Variants in MYBL1 observed in about 807,000 individuals in gnomAD.
MYBL1 encodes MYB proto-oncogene like 1.
MYBL1 carries 17 observed loss-of-function variants against 96.3 expected under a neutral mutation model. The observed-to-expected ratio is 0.18, with a 90% CI of 0.12 to 0.26. The LOEUF (loss-of-function observed/expected upper bound fraction) is 0.26. Among genes scored for constraint, MYBL1 ranks in the 10% least tolerant of loss-of-function variants. The pLI, the probability that MYBL1 is intolerant of heterozygous loss-of-function variation, is 1.00. For synonymous variants in MYBL1, 282 were observed against 292.7 expected, an observed-to-expected ratio of 0.96 and a Z score of 0.37; for missense variants, 701 against 882.9, an observed-to-expected ratio of 0.79 and a Z score of 2.61.
chr8:66,566,110 G>A lies in MYBL1; in HGVS notation c.2084C>T (p.Pro695Leu), dbSNP rs1365137698. The change falls in exon 15 of 16, where the codon CCA becomes CTA. Residue 695 changes from proline to leucine, a missense_variant. Pro to Leu is a moderately conservative substitution (Grantham distance 98, BLOSUM62 -3). Around this residue, in one of 5 missense-constraint regions of MYBL1, gnomAD observed 137 missense variants for 137.5 expected, o/e 1.00. Transcript: ENST00000522677. ...NKTYTLTKKK[P>L]NPNTSKVVKL... ...GACAACTTTGGAAGTGTTAGGGTTT[G>A]GTTTCTTTTTAGTAAGTGTATATGT... 1 of 1,540,998 alleles carries A rather than the reference G, an allele frequency of 6.5e-7. No individual in the cohort carries two copies. The highest frequency in any genetic ancestry group is 8.8e-7 in the Non-Finnish European group (1 of 1,140,142).
chr8:66,593,188 C>G lies in MYBL1; in HGVS notation c.694G>C (p.Gly232Arg). 7.6e-6 allele frequency: 12 copies of G among 1,570,106 alleles called. No individual in the cohort carries two copies. The highest frequency in any genetic ancestry group is 1.0e-5 in the Non-Finnish European group (12 of 1,151,186). The change falls in exon 7 of 16, where the codon GGG (glycine) becomes CGG (arginine). Residue 232 changes from glycine to arginine, a missense_variant. By Grantham distance (125) the Gly-to-Arg change is moderately radical. Transcript: ENST00000522677. ...CCTTCAGGTGACACATACTGATACC[C>G]AGGGATCTAAAAAGTAATTAATGCA... The part of the protein sequence containing the change: ...NQFYIPVQIP[G>R]YQYVSPEGNC...
At chr8:66,601,815 T>G (rs1235804980) in intron 2 of MYBL1, 46 bp from the exon 3 acceptor site, 2 of 963,724 alleles carry the variant, frequency 2.1e-6, no homozygotes, top group Non-Finnish European at 3.1e-6. Context: ...CCCGTCCTTT[T>G]CCTCTACCCC....
rs745681670 is a variant in MYBL1, at chr8:66,564,757, T to A, written c.2199A>T (p.Ala733=). Residue 733 remains alanine, a synonymous_variant, in exon 16 of 16, where the codon GCA becomes GCT. Transcript: ENST00000522677. ...TEDQLIMTEQ[A]RRYLSTYTAT... ...CTGTGTAAGTACTCAGATATCTTCT[T>A]GCTTGTTCAGTCATAATAAGTTGGT... 3 of 1,585,820 alleles carry A rather than the reference T, an allele frequency of 1.9e-6. No homozygotes were observed. Among genetic ancestry groups the A allele is most frequent in the South Asian group, 2.3e-5 (2 of 87,560 alleles).
intron 13 of MYBL1, 38 bp from the exon 14 acceptor site, chr8:66,566,826 G>T: frequency 6.3e-7 from 1 of 1,589,240 alleles, no homozygotes; most frequent in Non-Finnish European, 8.6e-7. Flanking sequence ...TTATGGCAAA[G>T]TCTCTTGGAT....
chr8:66,572,665 C>G (rs758810900), intron 11 of MYBL1, 69 bp from the exon 12 acceptor site: 4 of 709,960 alleles, frequency 5.6e-6, no homozygotes, highest in Non-Finnish European at 8.9e-6. Context: ...GAAAGCAAAG[C>G]AATTTAAGCA....
chr8:66,612,412 G>A (rs985090710), intron 1 of MYBL1: 1 of 206,554 alleles, frequency 4.8e-6, no homozygotes, highest in Non-Finnish European at 9.6e-6. Flanking sequence ...TGACTGTACC[G>A]TCATTCAGAA....
chr8:66,563,950 C>A lies in MYBL1; in HGVS notation c.*747G>T. 6.6e-6 allele frequency: 1 copy of A among 152,326 alleles called. No homozygotes were observed. The highest frequency in any genetic ancestry group is 1.9e-4 in the East Asian group (1 of 5,198). The allele number at this position is 152,326 out of a possible 1,614,324, so 9.4% of individuals were successfully genotyped here. A position where few individuals can be genotyped will look rare whatever the true frequency, so the allele number is the denominator to read the frequency against. On this transcript the variant is annotated 3_prime_UTR_variant, in exon 16 of 16. Coordinates refer to ENST00000522677, the MANE Select transcript of MYBL1 (RefSeq NM_001080416.4). ...ATACGTATAAATATCTACATTTAAG[C>A]TTTAAAAATAAAAATAAATTATAAA...
intron 1 of MYBL1, among the ~76,000 whole-genome samples, chr8:66,604,301 T>C (rs1810221914): frequency 6.6e-6 from 1 of 152,144 alleles, no homozygotes; most frequent in South Asian, 2.1e-4. Flanking sequence ...GTCGAGCAGA[T>C]CATTTGAGGT....
intron 1 of MYBL1, among the ~76,000 whole-genome samples, chr8:66,605,180 A>G (rs909003049): frequency 2.0e-5 from 3 of 152,212 alleles, no homozygotes; most frequent in Non-Finnish European, 4.4e-5. Context: ...TTTTTTTCTT[A>G]CTAAAGTCTT....
intron 10 of MYBL1, among the ~76,000 whole-genome samples, chr8:66,575,059 A>G (rs1008913461): frequency 1.4e-5 from 2 of 145,210 alleles, no homozygotes; most frequent in African/African-American, 2.5e-5. Flanking sequence ...CATCTCAAAG[A>G]AAAAAAAAAA....
rs1213606886 is a variant in MYBL1, at chr8:66,562,734, T to C, written c.*1963A>G. 2.6e-5 allele frequency: 4 copies of C among 152,488 alleles called. No homozygotes were observed. The highest frequency in any genetic ancestry group is 2.6e-4 in the Admixed American group (4 of 15,258). 9.4% of individuals were successfully genotyped at this position (152,488 alleles called of 1,614,324 possible). A position where few individuals can be genotyped will look rare whatever the true frequency, so the allele number is the denominator to read the frequency against. ...TGCTATTAGTTCAAGGTAACTGAAA[T>C]GATCCAGTATGAGTTTGCTACAATC... On this transcript the variant is annotated 3_prime_UTR_variant, in exon 16 of 16. Transcript: ENST00000522677.
chr8:66,612,667 G>A, intron 1 of MYBL1, 152 bp downstream of exon 1: 1 of 899,156 alleles, frequency 1.1e-6, no homozygotes. Context: ...GCTGCCCTCC[G>A]GTCATCGAGG....
At chr8:66,606,981 C>T (rs1162581595) in intron 1 of MYBL1, among the ~76,000 whole-genome samples, 2 of 151,828 alleles carry the variant, frequency 1.3e-5, no homozygotes, top group Non-Finnish European at 2.9e-5. Context: ...TTCGTAGAGA[C>T]GGGGTTTCAG....
chr8:66,587,446 C>T (rs1187759599), intron 8 of MYBL1, among the ~76,000 whole-genome samples: 2 of 151,948 alleles, frequency 1.3e-5, no homozygotes, highest in African/African-American at 4.8e-5. Context: ...AGAGTAAAAC[C>T]TGAAGTCAGA....
intron 12 of MYBL1, among the ~76,000 whole-genome samples, chr8:66,568,429 C>T (rs1038632001): frequency 1.3e-5 from 2 of 151,672 alleles, no homozygotes; most frequent in African/African-American, 2.4e-5. Flanking sequence ...TGGGATCAAC[C>T]GAGTAGCTAG....
intron 1 of MYBL1, among the ~76,000 whole-genome samples, chr8:66,609,135 G>A (rs1450342736): frequency 6.6e-6 from 1 of 151,994 alleles, no homozygotes; most frequent in Non-Finnish European, 1.5e-5. Flanking sequence ...TGGTGTACAA[G>A]CTAACAGGAC....
intron 1 of MYBL1, among the ~76,000 whole-genome samples, chr8:66,611,353 G>A (rs188353309): frequency 1.2e-4 from 18 of 151,978 alleles, no homozygotes; most frequent in Admixed American, 9.2e-4. Flanking sequence ...CAGTACTTCG[G>A]CAATCATAAT....
intron 1 of MYBL1, among the ~76,000 whole-genome samples, chr8:66,611,702 A>T (rs1810534421): frequency 6.6e-6 from 1 of 152,246 alleles, no homozygotes; most frequent in Non-Finnish European, 1.5e-5. Context: ...ATAAGCTTAC[A>T]GAGACTTAAG....
At chr8:66,581,436 G>A (rs1481988795) in intron 8 of MYBL1, among the ~76,000 whole-genome samples, 1 of 152,122 alleles carries the variant, frequency 6.6e-6, no homozygotes, top group Non-Finnish European at 1.5e-5. Context: ...CAGCACTTTG[G>A]GAAGTCAAGG....
Sources: gnomAD v4.1 joint callset for allele counts (sites outside exome capture counted in the v4.1 genomes callset) on GRCh38, gnomAD v4.1.1 for gene constraint, gnomAD v4.1.1 regional missense constraint, MANE v1.5 for transcripts, NCBI Gene and HGNC (gene_info 2026-07-23, HGNC 2026-07-21) for gene names.